The following HYAL4 variants were observed in gnomAD, a reference collection of about 807,000 sequenced individuals.
HYAL4 encodes hyaluronidase-4.
A neutral mutation model predicts 35.2 loss-of-function variants in HYAL4; 37 were observed. The ratio of observed to expected loss-of-function variants is 1.05; its 90% CI spans 0.81 to 1.38. The LOEUF (loss-of-function observed/expected upper bound fraction) is 1.38. HYAL4 is among the 40% of genes most tolerant of loss of function. The pLI is 0.00. For missense variants in HYAL4, 572 were observed against 572.4 expected, an observed-to-expected ratio of 1.00 and a Z score of 0.01; for synonymous variants, 198 against 203.2, an observed-to-expected ratio of 0.97 and a Z score of 0.22.
intron 2 of HYAL4, among the ~76,000 whole-genome samples, chr7:123,856,657 G>C (rs1806444479): frequency 7.1e-6 from 1 of 141,412 alleles, no homozygotes; most frequent in Admixed American, 6.8e-5. Flanking sequence ...TAGGAGGCAT[G>C]GGGGTGAGGG....
At chr7:123,786,507 C>T in the HYAL4 span, among the ~76,000 whole-genome samples, 1 of 151,146 alleles carries the variant, frequency 6.6e-6, no homozygotes. Flanking sequence ...TCTAGAACAT[C>T]AGCTTTATTT....
At chr7:123,819,790 A>C in the HYAL4 span, among the ~76,000 whole-genome samples, 1 of 152,182 alleles carries the variant, frequency 6.6e-6, no homozygotes, top group African/African-American at 2.4e-5. Flanking sequence ...TAAATGGCAT[A>C]ATATATATGT....
chr7:123,769,923 CT>C, the HYAL4 span, among the ~76,000 whole-genome samples: 1 of 150,862 alleles, frequency 6.6e-6, no homozygotes, highest in African/African-American at 2.4e-5. Flanking sequence ...AGTGAAATTT[CT>C]CTCAGCAACT....
chr7:123,779,144 GAATT>G, the HYAL4 span, among the ~76,000 whole-genome samples: 2 of 151,902 alleles, frequency 1.3e-5, no homozygotes, highest in African/African-American at 4.8e-5. Context: ...ATTTTAAAAT[GAATT>G]AATAAAGATT....
At chr7:123,809,804 G>A in the HYAL4 span, among the ~76,000 whole-genome samples, 1 of 152,044 alleles carries the variant, frequency 6.6e-6, no homozygotes, top group African/African-American at 2.4e-5. Flanking sequence ...TGCTAGTTGT[G>A]TTCTCTCTCA....
chr7:123,856,237 C>T (rs758377926), intron 2 of HYAL4, among the ~76,000 whole-genome samples: 6 of 151,966 alleles, frequency 3.9e-5, no homozygotes, highest in Non-Finnish European at 2.9e-5. Context: ...CAGTTTTGTT[C>T]CCTTGCTGGT....
At chr7:123,815,552 C>G in the HYAL4 span, among the ~76,000 whole-genome samples, 3 of 152,092 alleles carry the variant, frequency 2.0e-5, no homozygotes, top group South Asian at 2.1e-4. Flanking sequence ...TGGTTATTGT[C>G]AAGGCATTAA....
the HYAL4 span, among the ~76,000 whole-genome samples, chr7:123,820,785 A>G: frequency 2.0e-5 from 3 of 152,146 alleles, no homozygotes; most frequent in Non-Finnish European, 1.5e-5. Flanking sequence ...AAACGTTACA[A>G]CCTTTAAATA....
upstream of HYAL4, among the ~76,000 whole-genome samples, chr7:123,825,714 C>T (rs1444959343): frequency 6.6e-6 from 1 of 151,916 alleles, no homozygotes; most frequent in East Asian, 1.9e-4. Flanking sequence ...TGAGTTGAAC[C>T]ACTTAGTCAA....
At chr7:123,837,537 A>T (rs1049764166) in intron 1 of HYAL4, among the ~76,000 whole-genome samples, 22 of 151,772 alleles carry the variant, frequency 1.4e-4, no homozygotes, top group African/African-American at 4.8e-4. Context: ...TTTTTTTTTT[A>T]AATTATACTT....
chr7:123,867,581 AC>A, intron 2 of HYAL4, among the ~76,000 whole-genome samples: 1 of 152,254 alleles, frequency 6.6e-6, no homozygotes, highest in Admixed American at 6.5e-5. Flanking sequence ...GAAACCCAAA[AC>A]ATCTATTCTT....
chr7:123,821,098 C>G, the HYAL4 span, among the ~76,000 whole-genome samples: 6 of 152,184 alleles, frequency 3.9e-5, no homozygotes, highest in African/African-American at 1.4e-4. Context: ...GTGAATAGTG[C>G]TGCAATATAC....
chr7:123,821,107 A>G, the HYAL4 span, among the ~76,000 whole-genome samples: 2 of 152,228 alleles, frequency 1.3e-5, no homozygotes, highest in South Asian at 2.1e-4. Flanking sequence ...GCTGCAATAT[A>G]CATGGGAATG....
intron 1 of HYAL4, among the ~76,000 whole-genome samples, chr7:123,833,407 C>G (rs550039241): frequency 3.3e-5 from 5 of 150,166 alleles, no homozygotes; most frequent in South Asian, 2.1e-4. Flanking sequence ...CATGTCCTAG[C>G]CCACTTTTTG....
At chr7:123,790,169 G>A in the HYAL4 span, among the ~76,000 whole-genome samples, 7 of 152,232 alleles carry the variant, frequency 4.6e-5, no homozygotes, top group South Asian at 2.1e-4. Context: ...GAAATTGACC[G>A]TCAGAGCTGT....
chr7:123,874,704 C>T, intron 3 of HYAL4, 57 bp from the exon 4 acceptor site: 2 of 1,076,256 alleles, frequency 1.9e-6, no homozygotes, highest in Non-Finnish European at 2.9e-6. Context: ...CGCGCCCAGC[C>T]CCTGGTGGAT....
the HYAL4 span, among the ~76,000 whole-genome samples, chr7:123,774,297 C>T: frequency 2.0e-5 from 3 of 152,198 alleles, no homozygotes; most frequent in South Asian, 6.2e-4. Context: ...CCTCGGCCTC[C>T]CAAAGTGCTG....
rs189186915 is a variant in HYAL4, at chr7:123,851,966, T to C, written c.-52+3808T>C. Reference sequence around the variant, plus strand: ...TGTGAGATGGTATCTCATTGTAGTTTTGATTTGCATTTCTCTAATGACCAG... The same window carrying C: ...TGTGAGATGGTATCTCATTGTAGTTCTGATTTGCATTTCTCTAATGACCAG... On this transcript the variant is annotated intron_variant, in intron 2 of 4. Transcript: ENST00000223026. Among the ~76,000 whole-genome samples, 572 of 152,368 alleles carry C rather than the reference T, an allele frequency of 3.8e-3. 2 individuals carry two copies. Among genetic ancestry groups the C allele is most frequent in the African/African-American group, 0.013 (550 of 41,584 alleles).
chr7:123,868,634 C>T lies in HYAL4; in HGVS notation c.361C>T (p.His121Tyr). ...CCCACAGAACATAAGTTTACAAGTA[C>T]ATCTGGAAAAAGCTGACCAAGATAT... ...GLPQNISLQVHLEKADQDINY... is the reference protein window; with the variant it reads ...GLPQNISLQVYLEKADQDINY... Residue 121 changes from histidine to tyrosine, a missense_variant, in exon 3 of 5, where the codon CAT (histidine) becomes TAT (tyrosine). Coordinates refer to ENST00000223026, the MANE Select transcript of HYAL4 (RefSeq NM_012269.3). The T allele has an allele frequency of 1.2e-6, 2 of 1,614,038 alleles. No individual in the cohort carries two copies. Among genetic ancestry groups the T allele is most frequent in the Non-Finnish European group, 1.7e-6 (2 of 1,179,980 alleles).
Sources: allele counts gnomAD v4.1 joint callset (sites outside exome capture counted in the v4.1 genomes callset), GRCh38; gene constraint gnomAD v4.1.1; transcripts MANE v1.5; gene names NCBI Gene and HGNC (gene_info 2026-07-23, HGNC 2026-07-21).